Variants in PLPP1 observed in about 807,000 individuals in gnomAD.
PLPP1 encodes lipid phosphate phosphohydrolase 1a.
Under a neutral mutation model 31.2 loss-of-function variants are expected in PLPP1, and 24 were observed. The ratio of observed to expected loss-of-function variants is 0.77; its 90% CI spans 0.56 to 1.08. The LOEUF (loss-of-function observed/expected upper bound fraction) is 1.08, where lower values mean the gene tolerates loss of function less well. Among genes scored for constraint, PLPP1 ranks in the 50% least tolerant of loss-of-function variants. The probability of loss-of-function intolerance (pLI) is 0.00; values close to 1 mark genes in which losing one functional copy is unlikely to be tolerated. For synonymous variants in PLPP1, 146 were observed against 126.3 expected, an observed-to-expected ratio of 1.16 and a Z score of -1.05; for missense variants, 319 against 342.7, an observed-to-expected ratio of 0.93 and a Z score of 0.55.
intron 3 of PLPP1, among the ~76,000 whole-genome samples, chr5:55,458,120 A>T (rs1470570667): frequency 6.6e-6 from 1 of 152,186 alleles, no homozygotes; most frequent in African/African-American, 2.4e-5. Context: ...CTTCCATTTT[A>T]TTAAGTTTCT....
chr5:55,489,687 AAAAC>A (rs1339538280), intron 1 of PLPP1, among the ~76,000 whole-genome samples: 2 of 152,226 alleles, frequency 1.3e-5, no homozygotes, highest in South Asian at 2.1e-4. Flanking sequence ...ATAAGCTGAA[AAAAC>A]AAACAACTAG....
At chr5:55,466,585 C>G (rs34938892) in intron 3 of PLPP1, among the ~76,000 whole-genome samples, 8,736 of 151,986 alleles carry the variant, frequency 0.057, 436 homozygotes, top group Admixed American at 0.11. Flanking sequence ...TGCCTGTAGT[C>G]CCAGCTACTC....
chr5:55,534,689 G>A lies in PLPP1; in HGVS notation c.-60C>T, dbSNP rs2111973359. The A allele has an allele frequency of 2.0e-6, 3 of 1,488,906 alleles. No homozygotes were observed. The highest frequency in any genetic ancestry group is 2.8e-5 in the East Asian group (1 of 35,714). 92.2% of individuals were successfully genotyped at this position (1,488,906 alleles called of 1,614,324 possible). A position where few individuals can be genotyped will look rare whatever the true frequency, so the allele number is the denominator to read the frequency against. On this transcript the variant is annotated 5_prime_UTR_variant, in exon 1 of 6. Coordinates refer to ENST00000307259, the MANE Select transcript of PLPP1 (RefSeq NM_003711.4). ...ACTGAGCTGCGGGACGGCGGCCGAG[G>A]CCCTTGATTCTCGAGCCCGGGCCGG...
chr5:55,467,971 A>T lies in PLPP1; in HGVS notation c.389T>A (p.Phe130Tyr), dbSNP rs1752340459. 2 of 1,614,204 alleles carry T rather than the reference A, an allele frequency of 1.2e-6. No homozygotes were observed. Among genetic ancestry groups the T allele is most frequent in the Non-Finnish European group, 1.7e-6 (2 of 1,180,006 alleles). ...KYSIGRLRPH[F>Y]LDVCDPDWSK... ...CCAATCTGGATCACAAACATCCAAG[A>T]AGTGAGGCCGCAGTCTGCCTATTGA... Residue 130 changes from phenylalanine to tyrosine, a missense_variant, in exon 3 of 6, where the codon TTC becomes TAC. By Grantham distance (22) the Phe-to-Tyr change is conservative. Coordinates refer to ENST00000307259, the MANE Select transcript of PLPP1 (RefSeq NM_003711.4).
chr5:55,450,964 C>G (rs1010133537), intron 3 of PLPP1, among the ~76,000 whole-genome samples: 3 of 152,158 alleles, frequency 2.0e-5, no homozygotes, highest in Non-Finnish European at 4.4e-5. Flanking sequence ...TTTTAAGAGG[C>G]AGGACTGCTA....
chr5:55,510,129 T>TAC (rs70995704), intron 1 of PLPP1, among the ~76,000 whole-genome samples: 3,889 of 152,278 alleles, frequency 0.026, 156 homozygotes, highest in Admixed American at 0.1. Context: ...ACATTCTGTT[T>TAC]ACATGGAACT....
intron 1 of PLPP1, among the ~76,000 whole-genome samples, chr5:55,505,499 A>T (rs1166677158): frequency 6.6e-6 from 1 of 152,064 alleles, no homozygotes; most frequent in Non-Finnish European, 1.5e-5. Flanking sequence ...AAATGAAAAC[A>T]TTTATTGAGT....
At chr5:55,528,993 C>T (rs1488209347) in intron 1 of PLPP1, among the ~76,000 whole-genome samples, 4 of 152,004 alleles carry the variant, frequency 2.6e-5, no homozygotes, top group South Asian at 4.2e-4. Flanking sequence ...CACTGTATCA[C>T]GGTCACACAT....
At chr5:55,486,013 C>T (rs1752768342) in intron 1 of PLPP1, among the ~76,000 whole-genome samples, 1 of 152,018 alleles carries the variant, frequency 6.6e-6, no homozygotes, top group African/African-American at 2.4e-5. Flanking sequence ...CTTTTTAATG[C>T]CAATTTATAC....
At chr5:55,521,893 G>C (rs966397096) in intron 1 of PLPP1, among the ~76,000 whole-genome samples, 1 of 152,122 alleles carries the variant, frequency 6.6e-6, no homozygotes, top group African/African-American at 2.4e-5. Context: ...GCATTCAATA[G>C]ATAATAGCTT....
At chr5:55,465,980 C>T (rs1322197980) in intron 3 of PLPP1, among the ~76,000 whole-genome samples, 1 of 152,194 alleles carries the variant, frequency 6.6e-6, no homozygotes, top group African/African-American at 2.4e-5. Context: ...CTTAAGAGTC[C>T]AGTATTGATG....
intron 1 of PLPP1, among the ~76,000 whole-genome samples, chr5:55,520,963 G>C (rs1445949085): frequency 6.6e-6 from 1 of 152,208 alleles, no homozygotes; most frequent in Non-Finnish European, 1.5e-5. Context: ...TGTAATCCCA[G>C]CACTTTAGGA....
intron 3 of PLPP1, among the ~76,000 whole-genome samples, chr5:55,463,175 G>T (rs1275300141): frequency 6.6e-6 from 1 of 151,838 alleles, no homozygotes; most frequent in Admixed American, 6.6e-5. Flanking sequence ...CACACACCGG[G>T]GCCTGTCAGG....
intron 1 of PLPP1, chr5:55,484,589 TAC>T (rs1469601399): frequency 1.3e-5 from 2 of 152,088 alleles, no homozygotes; most frequent in Non-Finnish European, 2.9e-5. Context: ...GAGTAAAAAA[TAC>T]AGAGACTGGG....
chr5:55,522,711 G>A (rs1207274591), intron 1 of PLPP1, among the ~76,000 whole-genome samples: 1 of 150,600 alleles, frequency 6.6e-6, no homozygotes, highest in African/African-American at 2.5e-5. Flanking sequence ...GTTTTGTTTT[G>A]TTTTGTTTTG....
chr5:55,491,465 TAATTG>T (rs1752886165), intron 1 of PLPP1, among the ~76,000 whole-genome samples: 1 of 152,210 alleles, frequency 6.6e-6, no homozygotes, highest in African/African-American at 2.4e-5. Context: ...AATTCATTTT[TAATTG>T]AATTGCTTTA....
chr5:55,505,103 C>T (rs778586410), intron 1 of PLPP1, among the ~76,000 whole-genome samples: 8 of 152,106 alleles, frequency 5.3e-5, no homozygotes, highest in Non-Finnish European at 1.0e-4. Flanking sequence ...GAGCCATCCT[C>T]TCTAAATTCT....
At chr5:55,484,932 A>C (rs1752745394) in intron 1 of PLPP1, 1 of 152,256 alleles carries the variant, frequency 6.6e-6, no homozygotes, top group African/African-American at 2.4e-5. Context: ...GTTGGTGAAC[A>C]TATCAATGTG....
intron 3 of PLPP1, among the ~76,000 whole-genome samples, chr5:55,443,541 G>A (rs1158591696): frequency 6.6e-6 from 1 of 152,098 alleles, no homozygotes; most frequent in Non-Finnish European, 1.5e-5. Context: ...TTCAAGGATT[G>A]TCAAAGCCCA....
Sources: gnomAD v4.1 joint callset for allele counts (sites outside exome capture counted in the v4.1 genomes callset) on GRCh38, gnomAD v4.1.1 for gene constraint, MANE v1.5 for transcripts, NCBI Gene and HGNC (gene_info 2026-07-23, HGNC 2026-07-21) for gene names.